Variants in RTTN observed in about 807,000 individuals in gnomAD.
RTTN encodes rotatin.
A neutral mutation model predicts 269.2 loss-of-function variants in RTTN; 182 were observed. The observed-to-expected ratio is 0.68, with a 90% confidence interval of 0.60 to 0.76. RTTN has a LOEUF of 0.76. RTTN is among the 30% of genes least tolerant of loss of function. The probability of loss-of-function intolerance (pLI) is 0.00; values close to 1 mark genes in which losing one functional copy is unlikely to be tolerated. For missense variants in RTTN, 2,545 were observed against 2,608.6 expected (o/e 0.98, Z 0.53); for synonymous variants, 1,006 against 963.5 (o/e 1.04, Z -0.82).
chr18:70,193,147 A>G (rs185073128), intron 8 of RTTN, 141 bp downstream of exon 8: 1 of 754,494 alleles, frequency 1.3e-6, no homozygotes, highest in Admixed American at 3.5e-5. Flanking sequence ...CCAGGGTTTA[A>G]CACAAGGCCT....
intron 26 of RTTN, among the ~76,000 whole-genome samples, chr18:70,117,634 TAG>T (rs1362747268): frequency 6.6e-6 from 1 of 152,082 alleles, no homozygotes; most frequent in African/African-American, 2.4e-5. Context: ...TACAATCATC[TAG>T]AGTCTTGTAG....
chr18:70,174,144 GT>G (rs1218119990), intron 11 of RTTN, among the ~76,000 whole-genome samples: 11 of 43,518 alleles, frequency 2.5e-4, no homozygotes, highest in Admixed American at 4.0e-4. Flanking sequence ...GTATATGAAA[GT>G]TTAAAAAAAA....
At chr18:70,005,736 C>G (rs1294102231) in intron 47 of RTTN, 1 of 154,240 alleles carries the variant, frequency 6.5e-6, no homozygotes, top group East Asian at 1.9e-4. Flanking sequence ...TCCTTGTGTA[C>G]GTGACTCTGG....
At position 70,051,410 on chromosome 18, in the gene RTTN, C is replaced by G. The variant is rs1357029329; in HGVS notation, c.5323+1G>C. Reference sequence around the variant, plus strand: ...CCAAGATTATGCAAGTATCTTCTTACCAATCGCCGCTGTCCAGTGCTTGGC... The same window carrying G: ...CCAAGATTATGCAAGTATCTTCTTAGCAATCGCCGCTGTCCAGTGCTTGGC... On this transcript the variant is annotated splice_donor_variant, in intron 39 of 48. Transcript: ENST00000640769. LOFTEE classifies it high-confidence loss of function. The G allele has an allele frequency of 6.3e-7, 1 of 1,599,892 alleles. No homozygotes were observed. Among genetic ancestry groups the G allele is most frequent in the Admixed American group, 1.8e-5 (1 of 55,366 alleles).
At chr18:70,142,167 A>G in intron 19 of RTTN, 121 bp downstream of exon 19, 1 of 635,624 alleles carries the variant, frequency 1.6e-6, no homozygotes, top group Non-Finnish European at 2.7e-6. Flanking sequence ...GGCTGTCAAA[A>G]AAAAGGCCAC....
chr18:70,020,661 A>G lies in RTTN; in HGVS notation c.6107T>C (p.Leu2036Pro). 6.2e-7 allele frequency: 1 copy of G among 1,614,082 alleles called. No individual in the cohort carries two copies. The highest frequency in any genetic ancestry group is 8.5e-7 in the Non-Finnish European group (1 of 1,179,936). Residue 2036 changes from leucine to proline, a missense_variant, in exon 45 of 49, where the codon CTT becomes CCT. Transcript: ENST00000640769. The part of the protein sequence containing the change: ...TTVQQMVFML[L>P]SNLALSHDCK... The stretch of plus-strand genomic sequence containing the variant: ...GTCATGCGACAAGGCCAGGTTTGAA[A>G]GAAGCATAAAAACCATCTGCTGAAC...
intron 18 of RTTN, among the ~76,000 whole-genome samples, chr18:70,142,912 C>A (rs1162702145): frequency 2.0e-5 from 3 of 152,182 alleles, no homozygotes. Flanking sequence ...GTAATCCCAG[C>A]TACTCGGGAG....
chr18:70,060,125 G>A (rs1029263937), intron 35 of RTTN, 83 bp from the exon 36 acceptor site: 23 of 1,206,220 alleles, frequency 1.9e-5, no homozygotes, highest in Admixed American at 1.4e-4. Flanking sequence ...TCATAGGAAA[G>A]TTCCTGAAAA....
At position 70,150,418 on chromosome 18, in the gene RTTN, C is replaced by T. The variant is rs187454960; in HGVS notation, c.2055+190G>A. Among the ~76,000 whole-genome samples, 62 of 152,136 alleles carry T rather than the reference C, an allele frequency of 4.1e-4. No individual in the cohort carries two copies. The East Asian group carries it at 0.011, about 27-fold the overall frequency. Reference sequence around the variant, plus strand: ...TGAATTTTTTGAAATCAAGTGTGTCCTGTATTTTTATTCCCACATTTTATG... The same window carrying T: ...TGAATTTTTTGAAATCAAGTGTGTCTTGTATTTTTATTCCCACATTTTATG... On this transcript the variant is annotated intron_variant, in intron 15 of 48. Coordinates refer to ENST00000640769, the MANE Select transcript of RTTN (RefSeq NM_173630.4).
In RTTN at chr18:70,121,676, G is replaced by A; in HGVS notation, c.3408C>T (p.Cys1136=). 6.4e-7 allele frequency: 1 copy of A among 1,560,238 alleles called. No homozygotes were observed. The highest frequency in any genetic ancestry group is 1.2e-5 in the South Asian group (1 of 82,136). ...LNRFLQVLPA[C]TEDEKLLIDI... ...CTATTAGCAGTTTCTCATCTTCAGT[G>A]CAAGCAGGAAGCACCTGTAAAAACC... Residue 1136 remains cysteine, a synonymous_variant, in exon 26 of 49, where the codon TGC becomes TGT. Coordinates refer to ENST00000640769, the MANE Select transcript of RTTN (RefSeq NM_173630.4).
intron 9 of RTTN, among the ~76,000 whole-genome samples, chr18:70,189,991 C>T (rs2061633443): frequency 6.6e-6 from 1 of 152,152 alleles, no homozygotes; most frequent in Non-Finnish European, 1.5e-5. Flanking sequence ...AGAAAAATTA[C>T]TACAAAGGTA....
chr18:70,135,202 A>G lies in RTTN; in HGVS notation c.2867T>C (p.Val956Ala). Residue 956 changes from valine to alanine, a missense_variant, in exon 22 of 49, where the codon GTA (valine) becomes GCA (alanine). Coordinates refer to ENST00000640769, the MANE Select transcript of RTTN (RefSeq NM_173630.4). Reference protein sequence around the residue: ...ALFCLLLFDEVSRMDMWSVNP... With the variant: ...ALFCLLLFDEASRMDMWSVNP... ...ATCTCACCACATATCCATTCTCGAT[A>G]CTTCATCAAATAATAGAAGACAAAA... is the stretch of plus-strand genomic sequence containing the variant. The G allele has an allele frequency of 6.5e-7, 1 of 1,537,690 alleles. No individual in the cohort carries two copies.
At chr18:70,081,319 G>A (rs547384679) in intron 32 of RTTN, among the ~76,000 whole-genome samples, 1 of 151,918 alleles carries the variant, frequency 6.6e-6, no homozygotes, top group Non-Finnish European at 1.5e-5. Flanking sequence ...AATAACCTAT[G>A]GGGGAAAAAA....
chr18:70,203,829 A>C (rs994073840), intron 3 of RTTN, among the ~76,000 whole-genome samples: 1 of 152,190 alleles, frequency 6.6e-6, no homozygotes, highest in African/African-American at 2.4e-5. Flanking sequence ...CCAAAAAAAT[A>C]ATCTGTCAAA....
chr18:70,008,510 A>G (rs2056267300), intron 46 of RTTN: 1 of 152,100 alleles, frequency 6.6e-6, no homozygotes, highest in South Asian at 2.1e-4. Context: ...GAACCTTGAT[A>G]AAAGGTTACA....
chr18:70,145,257 C>T (rs981294998), intron 18 of RTTN, among the ~76,000 whole-genome samples: 2 of 152,192 alleles, frequency 1.3e-5, no homozygotes, highest in Admixed American at 6.5e-5. Flanking sequence ...ACTGATTCTA[C>T]ATTATGGTGA....
chr18:70,085,512 T>C (rs1568352705), intron 32 of RTTN, among the ~76,000 whole-genome samples: 1 of 152,134 alleles, frequency 6.6e-6, no homozygotes, highest in South Asian at 2.1e-4. Flanking sequence ...AACTTAAAAA[T>C]AAACCTTAGA....
At position 70,048,044 on chromosome 18, in the gene RTTN, G is replaced by A; in HGVS notation, c.5468C>T (p.Thr1823Ile). The A allele has an allele frequency of 6.2e-7, 1 of 1,614,142 alleles. No homozygotes were observed. Among genetic ancestry groups the A allele is most frequent in the Non-Finnish European group, 8.5e-7 (1 of 1,179,978 alleles). ...KSKTHLCCSP[T>I]VASLLDDSQE... ...AGAGTCATCAAGAAGTGAAGCCACT[G>A]TTGGACTACAGCATAAATGTGTTTT... The change falls in exon 40 of 49, where the codon ACA becomes ATA. Residue 1823 changes from threonine to isoleucine, a missense_variant. Physicochemically the swap from Thr to Ile is moderately conservative, Grantham distance 89. Transcript: ENST00000640769.
At chr18:70,185,657 C>G (rs2061527272) in intron 10 of RTTN, among the ~76,000 whole-genome samples, 1 of 151,936 alleles carries the variant, frequency 6.6e-6, no homozygotes, top group Admixed American at 6.6e-5. Flanking sequence ...TTAAAGGTAT[C>G]CAGAGTGAAT....
Sources: allele counts gnomAD v4.1 joint callset (sites outside exome capture counted in the v4.1 genomes callset), GRCh38; gene constraint gnomAD v4.1.1; transcripts MANE v1.5; gene names NCBI Gene and HGNC (gene_info 2026-07-23, HGNC 2026-07-21).